Variants in CXCL12 observed in about 807,000 individuals in gnomAD.
CXCL12 encodes stromal cell-derived factor 1.
Under a neutral mutation model 10.7 loss-of-function variants are expected in CXCL12, and 4 were observed. That is an observed-to-expected ratio of 0.37 (90% CI 0.18 to 0.86). The LOEUF (loss-of-function observed/expected upper bound fraction) is 0.86, where lower values mean the gene tolerates loss of function less well. Ranked by LOEUF, CXCL12 falls within the 40% of genes least tolerant of loss-of-function variation. The pLI is 0.43. For synonymous variants in CXCL12, 54 were observed against 45.4 expected (o/e 1.19, Z -0.77); for missense variants, 122 against 110.4 (o/e 1.10, Z -0.47).
At chr10:44,381,172 A>C (rs1839621415) in intron 1 of CXCL12, among the ~76,000 whole-genome samples, 1 of 152,242 alleles carries the variant, frequency 6.6e-6, no homozygotes, top group Admixed American at 6.5e-5. Context: ...GTGTCTCAAG[A>C]TAAAGGTAGT....
downstream of CXCL12, chr10:44,372,321 C>G (rs3740085): frequency 0.23 from 35,231 of 155,600 alleles, 4,860 homozygotes; most frequent in Admixed American, 0.39. Context: ...GCCCATGGAC[C>G]CACCATGTTT....
At chr10:44,375,841 G>A, downstream of CXCL12, 1 of 1,570,156 alleles carries the variant, frequency 6.4e-7, no homozygotes, top group Non-Finnish European at 8.6e-7. Flanking sequence ...CTGAGCCCCT[G>A]CCCAGTCTGC....
rs17886257 is a variant in CXCL12, at chr10:44,377,859, G to A, written c.*774C>T. 43 of 1,586,522 alleles carry A rather than the reference G, an allele frequency of 2.7e-5. No individual in the cohort carries two copies. In the African/African-American group the frequency reaches 4.3e-4, roughly 16 times the overall value. Reference sequence around the variant, plus strand: ...CTGGGAGGAGAGGGATGCAGGGCACGAGCCCCAGCAATCACCCTCTTCCCG... The same window carrying A: ...CTGGGAGGAGAGGGATGCAGGGCACAAGCCCCAGCAATCACCCTCTTCCCG... On this transcript the variant is annotated 3_prime_UTR_variant, in exon 3 of 3. Coordinates refer to ENST00000343575, the MANE Select transcript of CXCL12 (RefSeq NM_199168.4).
chr10:44,378,048 T>G lies in CXCL12; in HGVS notation c.*585A>C. 6.8e-7 allele frequency: 1 copy of G among 1,479,264 alleles called. No individual in the cohort carries two copies. The highest frequency in any genetic ancestry group is 1.3e-5 in the South Asian group (1 of 74,722). 91.6% of individuals were successfully genotyped at this position (1,479,264 alleles called of 1,614,324 possible). Reference sequence around the variant, plus strand: ...AGCCCACAGAGCCAATCACTGAGGTTGAAAGAGGAGGTGAAGGCAGTGGCG... The same window carrying G: ...AGCCCACAGAGCCAATCACTGAGGTGGAAAGAGGAGGTGAAGGCAGTGGCG... On this transcript the variant is annotated 3_prime_UTR_variant, in exon 3 of 3. Transcript: ENST00000343575.
chr10:44,376,608 A>G (rs1839458319), downstream of CXCL12, among the ~76,000 whole-genome samples: 1 of 152,172 alleles, frequency 6.6e-6, no homozygotes, highest in African/African-American at 2.4e-5. Flanking sequence ...CAAGGGAGAG[A>G]GCTGGTTAGC....
In CXCL12 at chr10:44,378,396, T is replaced by G; in HGVS notation, c.*237A>C. The G allele has an allele frequency of 9.7e-6, 15 of 1,549,640 alleles. No individual in the cohort carries two copies. The highest frequency in any genetic ancestry group is 1.3e-5 in the Non-Finnish European group (15 of 1,149,640). On this transcript the variant is annotated 3_prime_UTR_variant, in exon 3 of 3. Transcript: ENST00000343575. ...AACCCCAGTAATAAAAGTTCCAACG[T>G]GCACAGGTACAGGGCATGGATGAAT...
chr10:44,380,134 C>T (rs1271833375), intron 2 of CXCL12, among the ~76,000 whole-genome samples: 5 of 152,206 alleles, frequency 3.3e-5, no homozygotes, highest in Admixed American at 2.6e-4. Context: ...TGGCTTTCTT[C>T]CCGCATTTCT....
At chr10:44,384,848 C>A in intron 1 of CXCL12, 97 bp downstream of exon 1, 22 of 1,259,468 alleles carry the variant, frequency 1.7e-5, no homozygotes, top group Non-Finnish European at 2.4e-5. Flanking sequence ...TGTCGGGCGG[C>A]GCAAACTGCG....
At chr10:44,370,650 G>A (rs1222782833) in exon 4 of CXCL12, 1 of 152,256 alleles carries the variant, frequency 6.6e-6, no homozygotes, top group Non-Finnish European at 1.5e-5. Context: ...ACACCAGTCA[G>A]ACGATCACAC....
chr10:44,375,286 C>G (rs1289520585), downstream of CXCL12, among the ~76,000 whole-genome samples: 2 of 152,236 alleles, frequency 1.3e-5, no homozygotes, highest in East Asian at 1.9e-4. Flanking sequence ...AGAAACCCAC[C>G]CGGGCTTGGG....
chr10:44,373,417 G>C (rs192142440), downstream of CXCL12: 3 of 1,352,008 alleles, frequency 2.2e-6, no homozygotes, highest in African/African-American at 4.3e-5. Context: ...GAAGGACAGC[G>C]GCCTGCGCGG....
intron 1 of CXCL12, among the ~76,000 whole-genome samples, chr10:44,384,587 G>A (rs1006827585): frequency 5.3e-5 from 8 of 152,202 alleles, no homozygotes; most frequent in African/African-American, 1.7e-4. Flanking sequence ...GCAGCGGGAA[G>A]GCAGTGGGTG....
chr10:44,373,457 T>C (rs1239592951), downstream of CXCL12: 4 of 913,562 alleles, frequency 4.4e-6, no homozygotes, highest in African/African-American at 3.3e-5. Flanking sequence ...TACTTCCAAG[T>C]TGCCACCTTG....
chr10:44,374,035 T>G (rs1670558930), downstream of CXCL12, among the ~76,000 whole-genome samples: 2 of 152,320 alleles, frequency 1.3e-5, no homozygotes, highest in South Asian at 4.1e-4. Flanking sequence ...TCCCAGGAGC[T>G]TCACAAGCCA....
At chr10:44,375,993 T>C, downstream of CXCL12, 12 of 1,613,760 alleles carry the variant, frequency 7.4e-6, no homozygotes, top group South Asian at 1.1e-5. Flanking sequence ...TCTTTTTTCC[T>C]ATCTTTTCTT....
chr10:44,376,180 C>G, downstream of CXCL12: 1 of 764,384 alleles, frequency 1.3e-6, no homozygotes, highest in South Asian at 1.8e-5. Context: ...CACTGTTTAT[C>G]AGTAATTCAT....
rs374406686 is a variant in CXCL12 at position 44,380,721 on chromosome 10, T to C, written c.179+42A>G. The C allele has an allele frequency of 1.1e-4, 171 of 1,506,670 alleles. No homozygotes were observed. The African/African-American group carries it at 2.1e-3, about 19-fold the overall frequency. 93.3% of individuals were successfully genotyped at this position (1,506,670 alleles called of 1,614,324 possible). A position where few individuals can be genotyped will look rare whatever the true frequency, so the allele number is the denominator to read the frequency against. ...GTTAGATGTTACTATGTTCGTTAGA[T>C]GCAACTATGTTCGTTAGATGATGTT... On this transcript the variant is annotated intron_variant, in intron 2 of 2. Coordinates refer to ENST00000343575, the MANE Select transcript of CXCL12 (RefSeq NM_199168.4).
At chr10:44,373,848 C>G (rs376968192), downstream of CXCL12, among the ~76,000 whole-genome samples, 1 of 152,180 alleles carries the variant, frequency 6.6e-6, no homozygotes, top group South Asian at 2.1e-4. Context: ...GGTGGGTGCA[C>G]AGGTGGCCAG....
At position 44,385,039 on chromosome 10, in the gene CXCL12, G is replaced by A. The variant is rs1457878711; in HGVS notation, c.-34C>T. The A allele has an allele frequency of 7.0e-7, 1 of 1,428,496 alleles. No individual in the cohort carries two copies. The highest frequency in any genetic ancestry group is 2.9e-5 in the East Asian group (1 of 34,042). The allele number at this position is 1,428,496 out of a possible 1,614,324, so 88.5% of individuals were successfully genotyped here. Reference sequence around the variant, plus strand: ...CGGGCGGGCGGGCGGGCGGACGAGCGCGGGTCGGGGGCCGGACGCCGAGCG... The same window carrying A: ...CGGGCGGGCGGGCGGGCGGACGAGCACGGGTCGGGGGCCGGACGCCGAGCG... On this transcript the variant is annotated 5_prime_UTR_variant, in exon 1 of 3. Coordinates refer to ENST00000343575, the MANE Select transcript of CXCL12 (RefSeq NM_199168.4).
Sources: gnomAD v4.1 joint callset for allele counts (sites outside exome capture counted in the v4.1 genomes callset) on GRCh38, gnomAD v4.1.1 for gene constraint, MANE v1.5 for transcripts, NCBI Gene and HGNC (gene_info 2026-07-23, HGNC 2026-07-21) for gene names.